STXBP5L: variants seen among roughly 807,000 people sequenced by gnomAD.
STXBP5L encodes syntaxin-binding protein 5-like.
A neutral mutation model predicts 144.5 loss-of-function variants in STXBP5L; 65 were observed. The ratio of observed to expected loss-of-function variants is 0.45; its 90% CI spans 0.37 to 0.55. The LOEUF is 0.55. Among genes scored for constraint, STXBP5L ranks in the 20% least tolerant of loss-of-function variants. The probability of loss-of-function intolerance (pLI) is 0.00; values close to 1 mark genes in which losing one functional copy is unlikely to be tolerated. For missense variants in STXBP5L, 1,298 were observed against 1,405.5 expected (o/e 0.92, Z 1.22); for synonymous variants, 505 against 469.6 (o/e 1.08, Z -0.97).
intron 20 of STXBP5L, chr3:121,357,334 G>C (rs76181337): frequency 0.035 from 5,708 of 163,376 alleles, 156 homozygotes; most frequent in Middle Eastern, 0.06. Context: ...GTGTGAAAAT[G>C]AATAGTGGAT....
intron 3 of STXBP5L, among the ~76,000 whole-genome samples, chr3:121,001,979 C>T (rs1480598268): frequency 6.6e-6 from 1 of 152,174 alleles, no homozygotes; most frequent in Admixed American, 6.5e-5. Context: ...TTAGGTTGTT[C>T]TCATATTATG....
At chr3:121,141,799 A>G (rs1233442117) in intron 7 of STXBP5L, among the ~76,000 whole-genome samples, 2 of 152,138 alleles carry the variant, frequency 1.3e-5, no homozygotes, top group Non-Finnish European at 2.9e-5. Flanking sequence ...ATCAAAGCAT[A>G]TCAATAAAAA....
At chr3:120,971,373 AC>A (rs11293812) in intron 3 of STXBP5L, among the ~76,000 whole-genome samples, 14,993 of 148,042 alleles carry the variant, frequency 0.1, 1,171 homozygotes, top group Admixed American at 0.21. Context: ...CTTCACCCGC[AC>A]CCCCCCCAAC....
At chr3:120,959,398 CTACTT>C (rs772456716) in intron 3 of STXBP5L, among the ~76,000 whole-genome samples, 4 of 152,198 alleles carry the variant, frequency 2.6e-5, no homozygotes, top group African/African-American at 9.7e-5. Flanking sequence ...CTGGAAAAAA[CTACTT>C]TAAAGTTCAT....
intron 11 of STXBP5L, among the ~76,000 whole-genome samples, chr3:121,229,059 C>T (rs2049217266): frequency 6.6e-6 from 1 of 152,112 alleles, no homozygotes; most frequent in Admixed American, 6.5e-5. Context: ...TCATAAGTTC[C>T]CATTCATGAA....
At chr3:121,340,290 G>A (rs188603822) in intron 20 of STXBP5L, among the ~76,000 whole-genome samples, 13 of 151,888 alleles carry the variant, frequency 8.6e-5, no homozygotes, top group African/African-American at 2.4e-4. Context: ...GTATAGAAAG[G>A]CATGGAATAT....
At chr3:120,959,468 A>G (rs1938476231) in intron 3 of STXBP5L, among the ~76,000 whole-genome samples, 1 of 152,222 alleles carries the variant, frequency 6.6e-6, no homozygotes. Context: ...AACAGAACAA[A>G]GCTGGAGGCA....
chr3:120,949,819 T>C (rs1711083687), intron 2 of STXBP5L, among the ~76,000 whole-genome samples: 1 of 152,164 alleles, frequency 6.6e-6, no homozygotes, highest in Non-Finnish European at 1.5e-5. Flanking sequence ...TTGGTAACTA[T>C]AGCCTTGTAG....
At chr3:121,367,302 A>C (rs1392003811) in intron 20 of STXBP5L, among the ~76,000 whole-genome samples, 1 of 152,002 alleles carries the variant, frequency 6.6e-6, no homozygotes, top group Non-Finnish European at 1.5e-5. Flanking sequence ...TCCTTTGCAC[A>C]TTTCTTACAG....
chr3:120,955,929 A>G (rs976020077), intron 3 of STXBP5L, among the ~76,000 whole-genome samples: 1 of 152,032 alleles, frequency 6.6e-6, no homozygotes. Flanking sequence ...CACTCAGTAT[A>G]ACTCTCTGAA....
chr3:121,204,178 G>T (rs1416921738), intron 9 of STXBP5L, among the ~76,000 whole-genome samples: 2 of 152,172 alleles, frequency 1.3e-5, no homozygotes, highest in African/African-American at 2.4e-5. Context: ...GGCAGAGGTT[G>T]CAATGAGCCA....
At chr3:121,175,446 A>G (rs1261641202) in intron 9 of STXBP5L, among the ~76,000 whole-genome samples, 1 of 152,132 alleles carries the variant, frequency 6.6e-6, no homozygotes, top group Non-Finnish European at 1.5e-5. Flanking sequence ...TTCCACATAA[A>G]TTTATGAGGC....
intron 20 of STXBP5L, among the ~76,000 whole-genome samples, chr3:121,364,135 C>T (rs1410152889): frequency 1.3e-5 from 2 of 152,022 alleles, no homozygotes; most frequent in East Asian, 1.9e-4. Flanking sequence ...AACTTTTGCC[C>T]TTTGTAGCTT....
intron 3 of STXBP5L, among the ~76,000 whole-genome samples, chr3:121,036,010 C>T (rs180684395): frequency 1.3e-5 from 2 of 152,082 alleles, no homozygotes; most frequent in Admixed American, 1.3e-4. Flanking sequence ...TATAATTGGT[C>T]TTTGCTAGTA....
chr3:120,936,293 C>T (rs1710260988), intron 2 of STXBP5L, among the ~76,000 whole-genome samples: 1 of 152,130 alleles, frequency 6.6e-6, no homozygotes. Flanking sequence ...GCTTATTAAT[C>T]ATAGATTTAA....
At chr3:121,239,855 TAATAATAATAAA>T (rs903712981) in intron 13 of STXBP5L, among the ~76,000 whole-genome samples, 58 of 151,724 alleles carry the variant, frequency 3.8e-4, no homozygotes, top group Admixed American at 1.4e-3. Flanking sequence ...ACTTAAAGTA[TAATAATAATAAA>T]TAAAATAAAA....
intron 9 of STXBP5L, among the ~76,000 whole-genome samples, chr3:121,203,490 A>G (rs1418759569): frequency 6.6e-6 from 1 of 152,112 alleles, no homozygotes; most frequent in Admixed American, 6.6e-5. Flanking sequence ...ATACCCTAAC[A>G]CTTGGTACAC....
chr3:121,070,113 G>T (rs920538963), intron 5 of STXBP5L, among the ~76,000 whole-genome samples: 3 of 152,184 alleles, frequency 2.0e-5, no homozygotes, highest in African/African-American at 7.2e-5. Flanking sequence ...GTTTATTAAG[G>T]TGATCACCGG....
intron 3 of STXBP5L, among the ~76,000 whole-genome samples, chr3:121,023,263 AC>A (rs1002387826): frequency 4.6e-5 from 7 of 152,226 alleles, no homozygotes; most frequent in Admixed American, 2.6e-4. Context: ...ACAAATGGAC[AC>A]CCCTCCCATG....
Sources: allele counts gnomAD v4.1 joint callset (sites outside exome capture counted in the v4.1 genomes callset), GRCh38; gene constraint gnomAD v4.1.1; transcripts MANE v1.5; gene names NCBI Gene and HGNC (gene_info 2026-07-23, HGNC 2026-07-21).